Variants in PAX5 observed in about 807,000 individuals in gnomAD.
PAX5 encodes paired box protein Pax-5.
In PAX5, 9 loss-of-function variants were observed where a neutral mutation model predicts 43.7. That is an observed-to-expected ratio of 0.21 (90% confidence interval 0.12 to 0.36). The LOEUF is 0.36. Among genes scored for constraint, PAX5 ranks in the 10% least tolerant of loss-of-function variants. The pLI is 1.00. For synonymous variants in PAX5, 228 were observed against 214.3 expected, an observed-to-expected ratio of 1.06 and a Z score of -0.56; for missense variants, 383 against 532.7, an observed-to-expected ratio of 0.72 and a Z score of 2.77.
chr9:36,999,322 C>A (rs1837654219), intron 5 of PAX5, among the ~76,000 whole-genome samples: 1 of 152,182 alleles, frequency 6.6e-6, no homozygotes, highest in Non-Finnish European at 1.5e-5. Flanking sequence ...CTATGAGGAG[C>A]CCCCAAGATC....
chr9:36,893,806 C>A (rs1353063701), intron 7 of PAX5, among the ~76,000 whole-genome samples: 1 of 152,198 alleles, frequency 6.6e-6, no homozygotes, highest in Non-Finnish European at 1.5e-5. Flanking sequence ...ACTGTATCGG[C>A]GAGGTTCAGT....
chr9:36,966,436 A>G, intron 6 of PAX5, 113 bp downstream of exon 6: 2 of 1,153,392 alleles, frequency 1.7e-6, no homozygotes, highest in Non-Finnish European at 2.5e-6. Context: ...GACCTCTCTG[A>G]GCAGAACCTG....
intron 9 of PAX5, among the ~76,000 whole-genome samples, chr9:36,845,431 G>C (rs1210300792): frequency 6.6e-6 from 1 of 152,170 alleles, no homozygotes; most frequent in Non-Finnish European, 1.5e-5. Context: ...ATCTTGGTTC[G>C]ATACTTAGAA....
intron 6 of PAX5, among the ~76,000 whole-genome samples, chr9:36,960,972 G>A (rs547377409): frequency 6.6e-6 from 1 of 152,210 alleles, no homozygotes; most frequent in South Asian, 2.1e-4. Context: ...TTCTCAGCCT[G>A]GCCCACCTGT....
chr9:36,840,754 G>A, intron 9 of PAX5, 118 bp from the exon 10 acceptor site: 1 of 649,016 alleles, frequency 1.5e-6, no homozygotes. Context: ...CTCTCACCAA[G>A]ATCTCTGTCC....
chr9:36,861,651 C>T (rs1824224550), intron 8 of PAX5, among the ~76,000 whole-genome samples: 1 of 151,704 alleles, frequency 6.6e-6, no homozygotes, highest in African/African-American at 2.4e-5. Context: ...ACAGCAAGTG[C>T]AAAGGCCCTG....
intron 5 of PAX5, among the ~76,000 whole-genome samples, chr9:36,982,974 G>C (rs1285287001): frequency 1.3e-5 from 2 of 152,154 alleles, no homozygotes; most frequent in Non-Finnish European, 2.9e-5. Context: ...TTATGGGGGA[G>C]GAAGTATGGC....
At chr9:36,960,894 A>C (rs965238979) in intron 6 of PAX5, among the ~76,000 whole-genome samples, 14 of 152,002 alleles carry the variant, frequency 9.2e-5, no homozygotes, top group Non-Finnish European at 1.8e-4. Flanking sequence ...CCAGCCCGCC[A>C]TCTGCTATTG....
At chr9:36,944,357 G>A (rs769397657) in intron 6 of PAX5, among the ~76,000 whole-genome samples, 13 of 152,146 alleles carry the variant, frequency 8.5e-5, no homozygotes, top group Non-Finnish European at 1.9e-4. Context: ...CTGTGACTTA[G>A]CAAGGGCAAA....
intron 1 of PAX5, among the ~76,000 whole-genome samples, chr9:37,028,209 G>C (rs994412480): frequency 6.6e-6 from 1 of 152,236 alleles, no homozygotes; most frequent in African/African-American, 2.4e-5. Flanking sequence ...TGTGTGCATC[G>C]GAGTGTGTGC....
intron 9 of PAX5, among the ~76,000 whole-genome samples, chr9:36,846,079 T>G (rs1458482668): frequency 6.6e-6 from 1 of 152,240 alleles, no homozygotes; most frequent in Non-Finnish European, 1.5e-5. Context: ...ATGCCTCTAC[T>G]TCATGTCCCA....
intron 8 of PAX5, among the ~76,000 whole-genome samples, chr9:36,850,800 A>C (rs1383829653): frequency 1.3e-5 from 2 of 152,328 alleles, no homozygotes; most frequent in East Asian, 3.9e-4. Context: ...AGTTGGTCAC[A>C]TGGAAACCCC....
chr9:36,893,973 C>A (rs2131827060), intron 7 of PAX5, among the ~76,000 whole-genome samples: 1 of 152,308 alleles, frequency 6.6e-6, no homozygotes, highest in East Asian at 1.9e-4. Context: ...GAGAGCCCAA[C>A]TGTCCATCTG....
intron 1 of PAX5, among the ~76,000 whole-genome samples, chr9:37,024,360 G>T (rs1840115168): frequency 6.6e-6 from 1 of 152,094 alleles, no homozygotes; most frequent in African/African-American, 2.4e-5. Context: ...AGCAGTGGTG[G>T]GGGGAAGCAG....
In PAX5 at chr9:36,876,377, C is replaced by A. The variant is rs540174557; in HGVS notation, c.1012+5627G>T. ...AGGCCCACAGGGACCCCACCTAGTG[C>A]CTTTGTGCACATTGTTCTGGTGGGC... is the stretch of plus-strand genomic sequence containing the variant. On this transcript the variant is annotated intron_variant, in intron 8 of 9. Coordinates refer to ENST00000358127, the MANE Select transcript of PAX5 (RefSeq NM_016734.3). 1.3e-4 allele frequency among the ~76,000 whole-genome samples: 20 copies of A among 152,352 alleles called. No individual in the cohort carries two copies. The East Asian group carries it at 3.1e-3, about 23-fold the overall frequency.
intron 5 of PAX5, among the ~76,000 whole-genome samples, chr9:36,992,458 G>A (rs1294289399): frequency 1.3e-5 from 2 of 152,216 alleles, no homozygotes; most frequent in African/African-American, 2.4e-5. Flanking sequence ...CGGGTGGCAC[G>A]AGCTGGCTGC....
At chr9:36,950,555 A>T (rs1832910283) in intron 6 of PAX5, among the ~76,000 whole-genome samples, 1 of 152,036 alleles carries the variant, frequency 6.6e-6, no homozygotes, top group Non-Finnish European at 1.5e-5. Context: ...AGCCCAATCC[A>T]CATTTAGGCA....
chr9:37,017,867 C>T (rs184733897), intron 2 of PAX5, among the ~76,000 whole-genome samples: 1 of 152,346 alleles, frequency 6.6e-6, no homozygotes, highest in East Asian at 1.9e-4. Flanking sequence ...AACCCCAACT[C>T]GAAACTGTGT....
chr9:36,930,724 G>A (rs1434339622), intron 6 of PAX5, among the ~76,000 whole-genome samples: 1 of 152,116 alleles, frequency 6.6e-6, no homozygotes, highest in Non-Finnish European at 1.5e-5. Context: ...GTCCCTAGCT[G>A]CCTGCCTACC....
Sources: gnomAD v4.1 joint callset for allele counts (sites outside exome capture counted in the v4.1 genomes callset) on GRCh38, gnomAD v4.1.1 for gene constraint, MANE v1.5 for transcripts, NCBI Gene and HGNC (gene_info 2026-07-23, HGNC 2026-07-21) for gene names.